The following WDR19 variants were observed in gnomAD, a reference collection of about 807,000 sequenced individuals.
WDR19 encodes the protein WD repeat domain 19.
WDR19 carries 121 observed loss-of-function variants against 180.0 expected under a neutral mutation model. That is an observed-to-expected ratio of 0.67 (90% CI 0.58 to 0.78). The LOEUF (loss-of-function observed/expected upper bound fraction) is 0.78, where lower values mean the gene tolerates loss of function less well. Among genes scored for constraint, WDR19 ranks in the 30% least tolerant of loss-of-function variants. The pLI, the probability that WDR19 is intolerant of heterozygous loss-of-function variation, is 0.00. For synonymous variants in WDR19, 497 were observed against 540.7 expected (o/e 0.92, Z 1.12); for missense variants, 1,450 against 1,640.7 (o/e 0.88, Z 2.01).
At chr4:39,205,113 C>G in intron 7 of WDR19, 41 bp from the exon 8 acceptor site, 1 of 1,422,752 alleles carries the variant, frequency 7.0e-7, no homozygotes, top group Non-Finnish European at 9.6e-7. Flanking sequence ...TCATGAAGTA[C>G]TAAGTAACTC....
intron 20 of WDR19, among the ~76,000 whole-genome samples, chr4:39,238,635 A>G (rs1209936855): frequency 1.3e-5 from 2 of 152,182 alleles, no homozygotes; most frequent in Non-Finnish European, 2.9e-5. Context: ...CTGACTATGG[A>G]GTCCTAGGCT....
intron 26 of WDR19, 126 bp downstream of exon 26, chr4:39,254,156 T>C: frequency 1.0e-5 from 9 of 869,062 alleles, no homozygotes; most frequent in Non-Finnish European, 1.1e-5. Context: ...TTACCATTTA[T>C]ACATAGACAC....
chr4:39,285,810 A>G lies in WDR19; in HGVS notation c.*337A>G, dbSNP rs929894449. On this transcript the variant is annotated 3_prime_UTR_variant, in exon 37 of 37. Coordinates refer to ENST00000399820, the MANE Select transcript of WDR19 (RefSeq NM_025132.4). Reference sequence around the variant, plus strand: ...ACTTTAAAATAAAATTGTTGACTAGATATCTGTGACGTTTTTCTGGATTTG... The same window carrying G: ...ACTTTAAAATAAAATTGTTGACTAGGTATCTGTGACGTTTTTCTGGATTTG... 6.6e-6 allele frequency: 1 copy of G among 152,228 alleles called. No homozygotes were observed. Among genetic ancestry groups the G allele is most frequent in the Non-Finnish European group, 1.5e-5 (1 of 68,046 alleles). The allele number at this position is 152,228 out of a possible 1,614,324, so 9.4% of individuals were successfully genotyped here. A position where few individuals can be genotyped will look rare whatever the true frequency, so the allele number is the denominator to read the frequency against.
chr4:39,284,865 A>G (rs1247523456), intron 36 of WDR19, among the ~76,000 whole-genome samples: 1 of 152,102 alleles, frequency 6.6e-6, no homozygotes, highest in Non-Finnish European at 1.5e-5. Context: ...GTCTTCATTG[A>G]GTTATGATTA....
Position 39,240,287 on chromosome 4 carries a change from G to A in WDR19, c.2374G>A (p.Val792Ile). 1.5e-6 allele frequency: 2 copies of A among 1,346,550 alleles called. No individual in the cohort carries two copies. The allele number at this position is 1,346,550 out of a possible 1,614,324, so 83.4% of individuals were successfully genotyped here. The stretch of plus-strand genomic sequence containing the variant: ...TTATTTTTTTTTCAGGGGTGATTAT[G>A]TAAATGCTTTGGCTCATTATGAGAA... ...AIQLEFAGDY[V>I]NALAHYEKGI... Residue 792 changes from valine to isoleucine, a missense_variant, in exon 21 of 37, where the codon GTA becomes ATA. Transcript: ENST00000399820.
chr4:39,240,837 T>G (rs1316222795), intron 21 of WDR19, among the ~76,000 whole-genome samples: 1 of 151,158 alleles, frequency 6.6e-6, no homozygotes, highest in Non-Finnish European at 1.5e-5. Flanking sequence ...ACGCCTGTAG[T>G]CCCAGCTACT....
rs377101599 is a variant in WDR19, at chr4:39,217,976, G to A, written c.1357-7G>A. ...TCTGTGAGCCATTATTATTCTTTAC[G>A]TTTTAGATAGAAAGCGAAATCTTGG... is the stretch of plus-strand genomic sequence containing the variant. On this transcript the variant is annotated splice_polypyrimidine_tract_variant and splice_region_variant and intron_variant, in intron 13 of 36. Coordinates refer to ENST00000399820, the MANE Select transcript of WDR19 (RefSeq NM_025132.4). 273 of 1,613,354 alleles carry A rather than the reference G, an allele frequency of 1.7e-4. No individual in the cohort carries two copies. Among genetic ancestry groups the A allele is most frequent in the Non-Finnish European group, 2.2e-4 (256 of 1,179,650 alleles).
At chr4:39,239,161 A>G (rs1350033382) in intron 20 of WDR19, among the ~76,000 whole-genome samples, 2 of 151,954 alleles carry the variant, frequency 1.3e-5, no homozygotes, top group African/African-American at 4.8e-5. Context: ...TATTTTTAGT[A>G]GAGAGAGGGT....
intron 9 of WDR19, among the ~76,000 whole-genome samples, chr4:39,211,315 C>T (rs1359710373): frequency 6.6e-6 from 1 of 152,186 alleles, no homozygotes; most frequent in East Asian, 1.9e-4. Context: ...TCTTACTCAA[C>T]CTAGCATTAG....
At chr4:39,245,860 T>C (rs1364460934) in intron 24 of WDR19, among the ~76,000 whole-genome samples, 1 of 152,222 alleles carries the variant, frequency 6.6e-6, no homozygotes, top group Non-Finnish European at 1.5e-5. Context: ...TGTTTAAGCT[T>C]GCTTAAGCTG....
chr4:39,233,234 A>C (rs1036771871), intron 19 of WDR19, among the ~76,000 whole-genome samples: 1 of 152,170 alleles, frequency 6.6e-6, no homozygotes, highest in Non-Finnish European at 1.5e-5. Flanking sequence ...TGAGCATTGC[A>C]GGAGAGGGCC....
chr4:39,233,233 C>T (rs1320600531), intron 19 of WDR19, among the ~76,000 whole-genome samples: 1 of 152,104 alleles, frequency 6.6e-6, no homozygotes, highest in East Asian at 1.9e-4. Flanking sequence ...GTGAGCATTG[C>T]AGGAGAGGGC....
At chr4:39,188,618 C>CAAA in intron 3 of WDR19, among the ~76,000 whole-genome samples, 1 of 81,186 alleles carries the variant, frequency 1.2e-5, no homozygotes, top group Non-Finnish European at 2.5e-5. Context: ...GACCTTGTCT[C>CAAA]AAAAAAAAAA....
At chr4:39,273,101 C>T (rs1735542479) in intron 32 of WDR19, 40 bp downstream of exon 32, 3 of 1,479,438 alleles carry the variant, frequency 2.0e-6, no homozygotes, top group Admixed American at 2.1e-5. Flanking sequence ...ATGCCCCATG[C>T]CCCATGCCGC....
chr4:39,252,545 AAAG>A (rs1733347443), intron 24 of WDR19, among the ~76,000 whole-genome samples: 2 of 152,008 alleles, frequency 1.3e-5, no homozygotes, highest in Admixed American at 1.3e-4. Context: ...AAAATTTTTT[AAAG>A]AAGTGTAACT....
chr4:39,280,887 C>G (rs1048550207), intron 36 of WDR19, among the ~76,000 whole-genome samples: 2 of 152,096 alleles, frequency 1.3e-5, no homozygotes. Flanking sequence ...CTTTGATCCA[C>G]TTAGTTTTTG....
At chr4:39,249,210 A>G (rs1732867011) in intron 24 of WDR19, among the ~76,000 whole-genome samples, 1 of 152,136 alleles carries the variant, frequency 6.6e-6, no homozygotes, top group South Asian at 2.1e-4. Flanking sequence ...CCGCTCAACT[A>G]CATGGAAACT....
In WDR19 at chr4:39,252,238, C is replaced by T. The variant is rs1733285025; in HGVS notation, c.2730-908C>T. ...ATGGATGAAGCTGGAAACCATCATT[C>T]TCAGCAAACTATTGCAAGGACAAAA... On this transcript the variant is annotated intron_variant, in intron 24 of 36. Transcript: ENST00000399820. 2.6e-5 allele frequency among the ~76,000 whole-genome samples: 4 copies of T among 151,248 alleles called. No homozygotes were observed. In the South Asian group the frequency reaches 8.4e-4, roughly 32 times the overall value.
chr4:39,227,915 G>A (rs942251979), intron 15 of WDR19, among the ~76,000 whole-genome samples: 1 of 152,138 alleles, frequency 6.6e-6, no homozygotes, highest in Non-Finnish European at 1.5e-5. Flanking sequence ...ATCCTGAGCA[G>A]CTTTAATTTT....
Sources: allele counts gnomAD v4.1 joint callset (sites outside exome capture counted in the v4.1 genomes callset), GRCh38; gene constraint gnomAD v4.1.1; transcripts MANE v1.5; gene names NCBI Gene and HGNC (gene_info 2026-07-23, HGNC 2026-07-21).